The following TMEM178B variants were observed in gnomAD, a reference collection of about 807,000 sequenced individuals.
TMEM178B encodes the protein transmembrane protein 178B.
A neutral mutation model predicts 31.0 loss-of-function variants in TMEM178B; 5 were observed. The ratio of observed to expected loss-of-function variants is 0.16; its 90% CI spans 0.08 to 0.34. TMEM178B has a LOEUF of 0.34. TMEM178B is among the 10% of genes least tolerant of loss of function. The pLI is 1.00. For synonymous variants in TMEM178B, 164 were observed against 164.0 expected (o/e 1.00, Z 0.00); for missense variants, 275 against 400.3 (o/e 0.69, Z 2.67).
intron 2 of TMEM178B, among the ~76,000 whole-genome samples, chr7:141,337,842 A>ATT (rs536035652): frequency 5.4e-5 from 8 of 146,828 alleles, no homozygotes; most frequent in South Asian, 2.2e-4. Flanking sequence ...AAATGGTTTG[A>ATT]TTTTTTTTTT....
At chr7:141,187,454 C>A (rs981050178) in intron 1 of TMEM178B, among the ~76,000 whole-genome samples, 2 of 152,060 alleles carry the variant, frequency 1.3e-5, no homozygotes, top group African/African-American at 4.8e-5. Context: ...TGGGTATATA[C>A]CCAGTAATGG....
chr7:141,183,396 A>G (rs998425597), intron 1 of TMEM178B, among the ~76,000 whole-genome samples: 1 of 152,210 alleles, frequency 6.6e-6, no homozygotes, highest in African/African-American at 2.4e-5. Context: ...GTGCCCTCTT[A>G]AGTCAGACCT....
intron 1 of TMEM178B, among the ~76,000 whole-genome samples, chr7:141,143,955 G>T (rs1304611768): frequency 6.6e-6 from 1 of 152,058 alleles, no homozygotes; most frequent in Non-Finnish European, 1.5e-5. Flanking sequence ...TGTATTCCTA[G>T]ATTTTTTTAA....
intron 3 of TMEM178B, among the ~76,000 whole-genome samples, chr7:141,448,772 C>A (rs961474271): frequency 2.0e-5 from 3 of 152,164 alleles, no homozygotes; most frequent in African/African-American, 7.2e-5. Context: ...TAAATGCAGT[C>A]CAGGCTCAGA....
intron 2 of TMEM178B, among the ~76,000 whole-genome samples, chr7:141,283,952 A>G (rs1798403891): frequency 6.6e-6 from 1 of 152,188 alleles, no homozygotes; most frequent in Admixed American, 6.5e-5. Flanking sequence ...TTTATTGAAG[A>G]CAGAATAATA....
intron 2 of TMEM178B, among the ~76,000 whole-genome samples, chr7:141,366,485 G>T (rs1401495026): frequency 1.3e-5 from 2 of 152,178 alleles, no homozygotes; most frequent in African/African-American, 4.8e-5. Flanking sequence ...CTTTGTTTCT[G>T]AAGGTTTAAA....
intron 2 of TMEM178B, among the ~76,000 whole-genome samples, chr7:141,418,931 G>A (rs1801149781): frequency 7.0e-6 from 1 of 143,190 alleles, no homozygotes; most frequent in Admixed American, 7.0e-5. Context: ...ATTTTTAGAA[G>A]AAGTCTCACT....
intron 2 of TMEM178B, among the ~76,000 whole-genome samples, chr7:141,255,335 G>A (rs1469353941): frequency 2.6e-5 from 4 of 152,152 alleles, no homozygotes; most frequent in South Asian, 2.1e-4. Flanking sequence ...TACTTTGCAT[G>A]TTGTTATTTG....
intron 1 of TMEM178B, among the ~76,000 whole-genome samples, chr7:141,149,647 G>C (rs1016332353): frequency 6.6e-5 from 10 of 152,168 alleles, no homozygotes; most frequent in African/African-American, 2.4e-4. Context: ...CTTATAAGCA[G>C]AGGGAAATTT....
At position 141,216,448 on chromosome 7, in the gene TMEM178B, T is replaced by TGTGTGTGTGTGTGCGC. The variant is rs1415593747; in HGVS notation, c.496+3745_496+3746insTGTGTGTGTGTGCGCG. ...CTGTGTGTGTGTGTGTGTGTGTGTG[T>TGTGTGTGTGTGTGCGC]GCGCGCGCGCGCGCGTGTGTGTGTG... On this transcript the variant is annotated intron_variant, in intron 2 of 3. Transcript: ENST00000565468. Among the ~76,000 whole-genome samples the TGTGTGTGTGTGTGCGC allele has an allele frequency of 1.6e-4, 22 of 135,920 alleles. 1 individual carries two copies. Among genetic ancestry groups the TGTGTGTGTGTGTGCGC allele is most frequent in the African/African-American group, 6.4e-4 (22 of 34,356 alleles). 89.2% of individuals were successfully genotyped at this position (135,920 alleles called of 152,430 possible).
intron 2 of TMEM178B, among the ~76,000 whole-genome samples, chr7:141,312,195 A>G (rs549600781): frequency 6.6e-6 from 1 of 152,274 alleles, no homozygotes; most frequent in Admixed American, 6.5e-5. Flanking sequence ...ATATCCAACT[A>G]CCTAATGGTT....
At chr7:141,361,211 G>T (rs540931410) in intron 2 of TMEM178B, among the ~76,000 whole-genome samples, 20 of 152,284 alleles carry the variant, frequency 1.3e-4, no homozygotes, top group Non-Finnish European at 2.1e-4. Flanking sequence ...GGTGGTCCTT[G>T]CTCCTTTACT....
In TMEM178B at chr7:141,344,606, T is replaced by TCCTTCCTC. The variant is rs1799583225; in HGVS notation, c.497-92995_497-92994insCCCTTCCT. Among the ~76,000 whole-genome samples the TCCTTCCTC allele has an allele frequency of 6.7e-6, 1 of 150,096 alleles. No individual in the cohort carries two copies. On this transcript the variant is annotated intron_variant, in intron 2 of 3. Transcript: ENST00000565468. The surrounding 1 kb of genome is among the most constrained non-coding windows in gnomAD (Gnocchi z 4.1). ...TTCCTTCCTTCCTTCCTTCCTTCCTTCCTTCCTTCCTTCCTTCCTTCCTCC... is the reference window on the plus strand; with the variant it reads ...TTCCTTCCTTCCTTCCTTCCTTCCTTCCTTCCTCCCTTCCTTCCTTCCTTCCTTCCTCC...
intron 2 of TMEM178B, among the ~76,000 whole-genome samples, chr7:141,419,818 C>G (rs1047039546): frequency 2.6e-5 from 4 of 152,180 alleles, no homozygotes; most frequent in African/African-American, 9.7e-5. Context: ...CTGGTTACAG[C>G]AAGTATATCT....
rs140814180 is a variant in TMEM178B at position 141,480,370 on chromosome 7, T to A, written c.*9584T>A. On this transcript the variant is annotated 3_prime_UTR_variant, in exon 4 of 4. Coordinates refer to ENST00000565468, the MANE Select transcript of TMEM178B (RefSeq NM_001195278.2). ...CAATTAAATAAAGAAGATTATGTTG[T>A]GTGTTTTAAAGGATTGTGTCTGCTT... 42 of 152,340 alleles carry A rather than the reference T, an allele frequency of 2.8e-4. No homozygotes were observed. In the East Asian group the frequency reaches 7.3e-3, roughly 27 times the overall value. The allele number at this position is 152,340 out of a possible 1,614,324, so 9.4% of individuals were successfully genotyped here.
chr7:141,347,919 G>A (rs1225839799), intron 2 of TMEM178B, among the ~76,000 whole-genome samples: 3 of 152,194 alleles, frequency 2.0e-5, no homozygotes, highest in East Asian at 1.9e-4. Flanking sequence ...TAGTTACCTA[G>A]GAGAGATGAT....
At chr7:141,325,887 T>C (rs1180221640) in intron 2 of TMEM178B, among the ~76,000 whole-genome samples, 1 of 152,174 alleles carries the variant, frequency 6.6e-6, no homozygotes. Flanking sequence ...AAAGACCTTG[T>C]AGGTTTAGTC....
At chr7:141,190,680 T>C (rs555315916) in intron 1 of TMEM178B, among the ~76,000 whole-genome samples, 2 of 152,318 alleles carry the variant, frequency 1.3e-5, no homozygotes, top group East Asian at 3.9e-4. Flanking sequence ...GACATATGGT[T>C]TCTACTGAAT....
At chr7:141,378,628 G>A (rs892279699) in intron 2 of TMEM178B, among the ~76,000 whole-genome samples, 1 of 152,208 alleles carries the variant, frequency 6.6e-6, no homozygotes, top group Non-Finnish European at 1.5e-5. Flanking sequence ...CAGAGTCCTT[G>A]TTTAGCCTCT....
Sources: allele counts gnomAD v4.1 joint callset (sites outside exome capture counted in the v4.1 genomes callset), GRCh38; gene constraint gnomAD v4.1.1; non-coding constraint Gnocchi (gnomAD v3.1); transcripts MANE v1.5; gene names NCBI Gene and HGNC (gene_info 2026-07-23, HGNC 2026-07-21).